The following ATG16L2 variants were observed in gnomAD, a reference collection of about 807,000 sequenced individuals.
ATG16L2 encodes autophagy related 16 like 2, also known as protein Atg16l2.
Under a neutral mutation model 84.7 loss-of-function variants are expected in ATG16L2, and 77 were observed. The observed-to-expected ratio is 0.91, with a 90% CI of 0.76 to 1.10. The LOEUF is 1.10. Among genes scored for constraint, ATG16L2 ranks in the 50% least tolerant of loss-of-function variants. The pLI is 0.00. For synonymous variants in ATG16L2, 361 were observed against 342.8 expected (o/e 1.05, Z -0.59); for missense variants, 782 against 817.6 (o/e 0.96, Z 0.53).
chr11:72,823,619 C>G (rs1407354256), intron 7 of ATG16L2: 1 of 430,684 alleles, frequency 2.3e-6, no homozygotes, highest in Non-Finnish European at 4.6e-6. Flanking sequence ...AGATGCCAGT[C>G]CCCAAAGTCC....
Position 72,828,867 on chromosome 11 carries a change from G to A in ATG16L2, c.1671-16G>A, listed in dbSNP as rs757288498. ...CTCTGACCCCCCGTTTTCTTGCTCT[G>A]CTGTGGCCACTACAGCCCGGACAGA... is the stretch of plus-strand genomic sequence containing the variant. On this transcript the variant is annotated splice_polypyrimidine_tract_variant and intron_variant, in intron 16 of 17. Coordinates refer to ENST00000321297, the MANE Select transcript of ATG16L2 (RefSeq NM_033388.2). 2 of 1,614,114 alleles carry A rather than the reference G, an allele frequency of 1.2e-6. No individual in the cohort carries two copies. Among genetic ancestry groups the A allele is most frequent in the Non-Finnish European group, 1.7e-6 (2 of 1,179,982 alleles).
At chr11:72,816,362 T>TTGCCG in intron 1 of ATG16L2, 2 of 178,412 alleles carry the variant, frequency 1.1e-5, no homozygotes, top group East Asian at 1.4e-4. Context: ...AGAGCTCGGT[T>TTGCCG]TATTTCATCA....
chr11:72,825,493 A>G, intron 10 of ATG16L2, 86 bp downstream of exon 10: 1 of 1,024,182 alleles, frequency 9.8e-7, no homozygotes, highest in Non-Finnish European at 1.5e-6. Context: ...GAGGTCTTGG[A>G]TCTCTTTGTG....
intron 5 of ATG16L2, among the ~76,000 whole-genome samples, chr11:72,835,924 T>C (rs1860716374): frequency 1.3e-5 from 2 of 152,112 alleles, no homozygotes; most frequent in Non-Finnish European, 2.9e-5. Context: ...AATTTTGTAT[T>C]TTCGGTAGAG....
downstream of ATG16L2, among the ~76,000 whole-genome samples, chr11:72,833,756 A>T (rs1426547105): frequency 1.3e-5 from 2 of 151,978 alleles, no homozygotes; most frequent in Non-Finnish European, 2.9e-5. Context: ...CCCCGTTTCT[A>T]CTAAAAATAC....
intron 3 of ATG16L2, among the ~76,000 whole-genome samples, chr11:72,820,804 GC>G (rs1366388551): frequency 1.3e-5 from 2 of 152,036 alleles, no homozygotes; most frequent in Non-Finnish European, 2.9e-5. Flanking sequence ...GAGCTGCCTT[GC>G]CTGGGGTCTG....
At chr11:72,825,152 G>A in intron 9 of ATG16L2, 150 bp from the exon 10 acceptor site, 1 of 662,176 alleles carries the variant, frequency 1.5e-6, no homozygotes, top group Non-Finnish European at 2.6e-6. Context: ...GGCCGGGTTT[G>A]AAACTCAGAG....
At position 72,821,781 on chromosome 11, in the gene ATG16L2, CAGGG is replaced by C. The variant is rs1005141790; in HGVS notation, c.392+44_392+47del. ...GGGGCGGGAGGGACCGCGCCCACCTCAGGGAGGCCCGGGGCCAACTATACGGGAG... is the reference window on the plus strand; with the variant it reads ...GGGGCGGGAGGGACCGCGCCCACCTCAGGCCCGGGGCCAACTATACGGGAG... On this transcript the variant is annotated intron_variant, in intron 4 of 17. Coordinates refer to ENST00000321297, the MANE Select transcript of ATG16L2 (RefSeq NM_033388.2). The C allele has an allele frequency of 3.3e-6, 5 of 1,520,330 alleles. No individual in the cohort carries two copies. The African/African-American group carries it at 5.6e-5, about 17-fold the overall frequency. The allele number at this position is 1,520,330 out of a possible 1,614,324, so 94.2% of individuals were successfully genotyped here.
At position 72,826,097 on chromosome 11, in the gene ATG16L2, C is replaced by G. The variant is rs959598485; in HGVS notation, c.1103-76C>G. 4.8e-6 allele frequency: 6 copies of G among 1,250,790 alleles called. No individual in the cohort carries two copies. The African/African-American group carries it at 8.9e-5, about 18-fold the overall frequency. The allele number at this position is 1,250,790 out of a possible 1,614,324, so 77.5% of individuals were successfully genotyped here. ...GGGGGGTGGGGCGGGAACTGATCTT[C>G]CGCTCTCAATCCCAATTCCTCCATT... On this transcript the variant is annotated intron_variant, in intron 10 of 17. Transcript: ENST00000321297.
At chr11:72,831,002 C>T (rs1307873649), downstream of ATG16L2, among the ~76,000 whole-genome samples, 12 of 152,318 alleles carry the variant, frequency 7.9e-5, no homozygotes, top group East Asian at 1.4e-3. Flanking sequence ...TCCCTCCCAG[C>T]CCCCAGTTCA....
chr11:72,843,073 C>T, exon 6 of ATG16L2: 1 of 1,391,466 alleles, frequency 7.2e-7, no homozygotes, highest in Non-Finnish European at 1.0e-6. Context: ...GCTTTTTATC[C>T]TACTGAAGGC....
intron 1 of ATG16L2, chr11:72,816,461 G>C: frequency 2.4e-6 from 1 of 414,226 alleles, no homozygotes; most frequent in South Asian, 3.8e-5. Flanking sequence ...GCAGTACCCC[G>C]CAGTGGTCAT....
chr11:72,833,875 A>T (rs1217193540), downstream of ATG16L2, among the ~76,000 whole-genome samples: 3 of 151,964 alleles, frequency 2.0e-5, no homozygotes, highest in African/African-American at 7.3e-5. Flanking sequence ...GTGAGCTGAC[A>T]TAGTGCCATC....
At position 72,822,562 on chromosome 11, in the gene ATG16L2, C is replaced by T. The variant is rs750550696; in HGVS notation, c.710+19C>T. 1 of 1,609,516 alleles carries T rather than the reference C, an allele frequency of 6.2e-7. No homozygotes were observed. Among genetic ancestry groups the T allele is most frequent in the African/African-American group, 1.3e-5 (1 of 74,730 alleles). The stretch of plus-strand genomic sequence containing the variant: ...TCAGCGAGTAAGAGTGGGGATGGGC[C>T]GGTCCGACCCTTGCGTTCTGCCTCC... On this transcript the variant is annotated intron_variant, in intron 6 of 17. Coordinates refer to ENST00000321297, the MANE Select transcript of ATG16L2 (RefSeq NM_033388.2). The surrounding 1 kb of genome is among the most constrained non-coding windows in gnomAD (Gnocchi z 4.2).
In ATG16L2 at chr11:72,825,329, G is replaced by C. The variant is rs1446841375; in HGVS notation, c.1024G>C (p.Val342Leu). Residue 342 changes from valine (V) to leucine (L), a missense_variant, in exon 10 of 18, where the codon GTT (valine) becomes CTT (leucine). Val to Leu is a conservative substitution (Grantham distance 32). Transcript: ENST00000321297. Reference protein sequence around the residue: ...LDAHLSEVNAVRFGPNSSLLA... With the variant: ...LDAHLSEVNALRFGPNSSLLA... ...TGCCCACCTCTCTGAGGTCAATGCT[G>C]TTCGTTTTGGCCCCAACAGCAGCCT... The C allele has an allele frequency of 1.2e-6, 2 of 1,613,600 alleles. No individual in the cohort carries two copies. Among genetic ancestry groups the C allele is most frequent in the Non-Finnish European group, 1.7e-6 (2 of 1,179,946 alleles).
downstream of ATG16L2, among the ~76,000 whole-genome samples, chr11:72,834,455 G>C (rs1860674353): frequency 6.6e-6 from 1 of 152,186 alleles, no homozygotes; most frequent in Non-Finnish European, 1.5e-5. Context: ...GCCATCCAAA[G>C]AAGTCTGTGT....
At chr11:72,834,813 G>T (rs754714669) in intron 5 of ATG16L2, among the ~76,000 whole-genome samples, 41 of 152,344 alleles carry the variant, frequency 2.7e-4, no homozygotes, top group Admixed American at 1.1e-3. Context: ...TCAAACTCCT[G>T]ATCTCAGGTG....
chr11:72,825,512 T>A, intron 10 of ATG16L2, 105 bp downstream of exon 10: 1 of 837,732 alleles, frequency 1.2e-6, no homozygotes, highest in South Asian at 1.5e-5. Context: ...TGTTTCTCTA[T>A]CTGGAATATT....
chr11:72,838,564 A>T, intron 5 of ATG16L2: 3 of 567,808 alleles, frequency 5.3e-6, no homozygotes, highest in Non-Finnish European at 9.5e-6. Flanking sequence ...GTCCGCTAGG[A>T]TTTGTGCTAT....
Sources: allele counts gnomAD v4.1 joint callset (sites outside exome capture counted in the v4.1 genomes callset), GRCh38; gene constraint gnomAD v4.1.1; non-coding constraint Gnocchi (gnomAD v3.1); transcripts MANE v1.5; gene names NCBI Gene and HGNC (gene_info 2026-07-23, HGNC 2026-07-21).